The following NUCB2 variants were observed in gnomAD, a reference collection of about 807,000 sequenced individuals.
NUCB2 encodes the protein nucleobindin 2, also known as nucleobindin-2.
Under a neutral mutation model 57.9 loss-of-function variants are expected in NUCB2, and 48 were observed. The ratio of observed to expected loss-of-function variants is 0.83; its 90% CI spans 0.66 to 1.05. The LOEUF is 1.05. NUCB2 is among the 50% of genes least tolerant of loss of function. The pLI is 0.00. For synonymous variants in NUCB2, 139 were observed against 152.1 expected, an observed-to-expected ratio of 0.91 and a Z score of 0.64; for missense variants, 442 against 476.2, an observed-to-expected ratio of 0.93 and a Z score of 0.67.
intron 11 of NUCB2, among the ~76,000 whole-genome samples, chr11:17,326,990 G>A (rs1008408323): frequency 4.6e-5 from 7 of 152,014 alleles, no homozygotes; most frequent in African/African-American, 1.7e-4. Flanking sequence ...CTATTCCAGG[G>A]TAAAAAATTT....
chr11:17,310,853 A>G lies in NUCB2; in HGVS notation c.512A>G (p.Lys171Arg). The change falls in exon 7 of 14, where the codon AAG (lysine) becomes AGG (arginine). Residue 171 changes from lysine to arginine, a missense_variant. Lys to Arg is a conservative substitution (Grantham distance 26). Coordinates refer to ENST00000529010, the MANE Select transcript of NUCB2 (RefSeq NM_005013.4). ...AATSDLEHYDKTRHEEFKKYE... is the reference protein window; with the variant it reads ...AATSDLEHYDRTRHEEFKKYE... ...ACAAGTGATCTGGAACACTATGACA[A>G]GACTCGTCATGAAGAATTTAAAAAA... The G allele has an allele frequency of 6.3e-7, 1 of 1,588,162 alleles. No individual in the cohort carries two copies. Among genetic ancestry groups the G allele is most frequent in the Non-Finnish European group, 8.5e-7 (1 of 1,173,388 alleles).
At chr11:17,307,048 G>A (rs1297307948) in intron 5 of NUCB2, among the ~76,000 whole-genome samples, 2 of 152,144 alleles carry the variant, frequency 1.3e-5, no homozygotes, top group Admixed American at 1.3e-4. Context: ...TTTAGGGAGG[G>A]GGGTAATTTT....
At chr11:17,338,741 G>A (rs1225249511) in intron 2 of NUCB2, among the ~76,000 whole-genome samples, 2 of 151,916 alleles carry the variant, frequency 1.3e-5, no homozygotes, top group African/African-American at 2.4e-5. Context: ...TCGGCTCACT[G>A]TAACCTCCGC....
intron 5 of NUCB2, among the ~76,000 whole-genome samples, chr11:17,304,875 G>C (rs987349979): frequency 6.6e-6 from 1 of 152,124 alleles, no homozygotes; most frequent in Admixed American, 6.5e-5. Flanking sequence ...TGAATAAGTG[G>C]GAAGACACAA....
chr11:17,289,207 C>A (rs761812117), intron 2 of NUCB2, among the ~76,000 whole-genome samples: 1 of 152,134 alleles, frequency 6.6e-6, no homozygotes, highest in Non-Finnish European at 1.5e-5. Flanking sequence ...ATCTGCCTGC[C>A]TTGGCCTCCC....
intron 2 of NUCB2, among the ~76,000 whole-genome samples, chr11:17,290,723 G>T (rs1944780911): frequency 6.6e-6 from 1 of 152,056 alleles, no homozygotes; most frequent in Admixed American, 6.6e-5. Flanking sequence ...ATTTTCATGT[G>T]CTTTTCTAGT....
At chr11:17,349,674 A>G (rs1953052249) in exon 3 of NUCB2, 1 of 152,198 alleles carries the variant, frequency 6.6e-6, no homozygotes, top group Admixed American at 6.5e-5. Flanking sequence ...TGTGCCCAGG[A>G]AAATATTGGA....
At chr11:17,282,258 A>ATATTTT (rs1388672393) in intron 1 of NUCB2, among the ~76,000 whole-genome samples, 2 of 103,472 alleles carry the variant, frequency 1.9e-5, no homozygotes, top group East Asian at 3.4e-4. Flanking sequence ...ATATATATAT[A>ATATTTT]TTTTTTTTTT....
rs145082540 is a variant in NUCB2 at position 17,307,688 on chromosome 11, C to T, written c.380-1884C>T. ...ATACTATAATTTATTTAGCCAGGCC[C>T]GTGTCAATTGACATTTAGGTTATTT... On this transcript the variant is annotated intron_variant, in intron 5 of 13. Transcript: ENST00000529010. Among the ~76,000 whole-genome samples the T allele has an allele frequency of 4.3e-3, 649 of 152,084 alleles. 8 individuals are homozygous for T. In the South Asian group the frequency reaches 0.052, roughly 12 times the overall value.
At chr11:17,301,894 ATTTTTTTTTTCTT>A in intron 5 of NUCB2, 24 bp downstream of exon 5, 1 of 1,527,504 alleles carries the variant, frequency 6.5e-7, no homozygotes, top group South Asian at 1.2e-5. Context: ...AAAAGGTAGG[ATTTTTTTTTTCTT>A]TTTTCCTTTT....
chr11:17,310,967 A>G lies in NUCB2; in HGVS notation c.626A>G (p.Glu209Gly). 6.3e-7 allele frequency: 1 copy of G among 1,584,324 alleles called. No individual in the cohort carries two copies. The highest frequency in any genetic ancestry group is 8.5e-7 in the Non-Finnish European group (1 of 1,173,014). ...AAAGAAGAAGAGTCTAAATTTGAAG[A>G]AATGAAGAAAAAGCATGAAAATCAC... ...KRKEEESKFE[E>G]MKKKHENHPK... The change falls in exon 7 of 14, where the codon GAA becomes GGA. Residue 209 changes from glutamate (E) to glycine (G), a missense_variant. Coordinates refer to ENST00000529010, the MANE Select transcript of NUCB2 (RefSeq NM_005013.4).
At chr11:17,323,971 G>C (rs1950344032) in intron 11 of NUCB2, among the ~76,000 whole-genome samples, 2 of 151,964 alleles carry the variant, frequency 1.3e-5, no homozygotes, top group Non-Finnish European at 2.9e-5. Flanking sequence ...TTGTCTCTTA[G>C]TATGGCTAAA....
intron 11 of NUCB2, chr11:17,317,461 A>C: frequency 4.2e-6 from 1 of 239,012 alleles, no homozygotes; most frequent in South Asian, 4.5e-5. Flanking sequence ...TCAATACTAC[A>C]CACATGGTAC....
intron 1 of NUCB2, among the ~76,000 whole-genome samples, chr11:17,278,720 G>A (rs567204983): frequency 6.6e-6 from 1 of 152,102 alleles, no homozygotes; most frequent in East Asian, 1.9e-4. Context: ...TGTCTTTTTT[G>A]TTTTGGGATA....
chr11:17,302,269 A>G (rs967462918), intron 5 of NUCB2, among the ~76,000 whole-genome samples: 3 of 152,318 alleles, frequency 2.0e-5, no homozygotes, highest in Middle Eastern at 3.4e-3. Flanking sequence ...TCAAAATTTT[A>G]TGTTAGTATT....
At chr11:17,315,923 C>G (rs1311541505) in intron 11 of NUCB2, among the ~76,000 whole-genome samples, 1 of 152,020 alleles carries the variant, frequency 6.6e-6, no homozygotes, top group Non-Finnish European at 1.5e-5. Flanking sequence ...TAAATTCACA[C>G]ATATACATAT....
intron 5 of NUCB2, among the ~76,000 whole-genome samples, chr11:17,303,126 A>G (rs1456218474): frequency 6.6e-6 from 1 of 152,128 alleles, no homozygotes; most frequent in Non-Finnish European, 1.5e-5. Context: ...AGTAATCCTG[A>G]GTTGCTAGGA....
In NUCB2 at chr11:17,330,794, T is replaced by C; in HGVS notation, c.1174-108T>C. The C allele has an allele frequency of 1.3e-6, 1 of 757,906 alleles. No individual in the cohort carries two copies. Among genetic ancestry groups the C allele is most frequent in the Non-Finnish European group, 2.3e-6 (1 of 430,956 alleles). The allele number at this position is 757,906 out of a possible 1,614,324, so 46.9% of individuals were successfully genotyped here. A position where few individuals can be genotyped will look rare whatever the true frequency, so the allele number is the denominator to read the frequency against. On this transcript the variant is annotated intron_variant, in intron 12 of 13. Coordinates refer to ENST00000529010, the MANE Select transcript of NUCB2 (RefSeq NM_005013.4). This position sits in a 1 kb window ranked among gnomAD's most constrained non-coding sequence, Gnocchi z 4.3. ...AAATCTAAATCTTATAGTTTGAATA[T>C]CTTTGTTTTAGAAAACAATTTTCAT...
intron 2 of NUCB2, among the ~76,000 whole-genome samples, chr11:17,287,450 T>C (rs1943955344): frequency 6.6e-6 from 1 of 151,620 alleles, no homozygotes; most frequent in African/African-American, 2.4e-5. Context: ...GGTGGGCAGA[T>C]TGGTTGAGGT....
Sources: allele counts gnomAD v4.1 joint callset (sites outside exome capture counted in the v4.1 genomes callset), GRCh38; gene constraint gnomAD v4.1.1; non-coding constraint Gnocchi (gnomAD v3.1); transcripts MANE v1.5; gene names NCBI Gene and HGNC (gene_info 2026-07-23, HGNC 2026-07-21).